THSD4: variants seen among roughly 807,000 people sequenced by gnomAD.
THSD4 encodes thrombospondin type 1 domain containing 4, also known as thrombospondin type-1 domain-containing protein 4.
Under a neutral mutation model 119.0 loss-of-function variants are expected in THSD4, and 69 were observed. The ratio of observed to expected loss-of-function variants is 0.58; its 90% CI spans 0.48 to 0.71. The LOEUF is 0.71. THSD4 is among the 30% of genes least tolerant of loss of function. THSD4 has a pLI of 0.00. For synonymous variants in THSD4, 524 were observed against 540.4 expected, an observed-to-expected ratio of 0.97 and a Z score of 0.42; for missense variants, 1,393 against 1,391.1, an observed-to-expected ratio of 1.00 and a Z score of -0.02.
At chr15:71,668,796 C>A (rs2051465843) in intron 8 of THSD4, among the ~76,000 whole-genome samples, 1 of 152,154 alleles carries the variant, frequency 6.6e-6, no homozygotes, top group East Asian at 1.9e-4. Flanking sequence ...CAATGGATAA[C>A]TGAAGATAAC....
chr15:71,687,827 T>A (rs1465909931), intron 8 of THSD4, among the ~76,000 whole-genome samples: 3 of 151,522 alleles, frequency 2.0e-5, no homozygotes, highest in East Asian at 3.9e-4. Flanking sequence ...TCAAAAATAT[T>A]TGAATGCAAA....
chr15:71,265,018 C>A (rs544982187), intron 6 of THSD4, among the ~76,000 whole-genome samples: 4 of 152,010 alleles, frequency 2.6e-5, no homozygotes, highest in African/African-American at 9.7e-5. Context: ...GGGCCCTGAT[C>A]TGATAGGATT....
At chr15:71,727,587 T>TATACACAC (rs2052882975) in intron 8 of THSD4, among the ~76,000 whole-genome samples, 1 of 9,278 alleles carries the variant, frequency 1.1e-4, no homozygotes, top group African/African-American at 2.5e-4. Flanking sequence ...TATATATATA[T>TATACACAC]ACACACACAC....
At chr15:71,476,334 C>T (rs879874546) in intron 7 of THSD4, among the ~76,000 whole-genome samples, 8 of 152,164 alleles carry the variant, frequency 5.3e-5, no homozygotes, top group Non-Finnish European at 7.4e-5. Flanking sequence ...CAGGTTCAAG[C>T]GATTCTCCTG....
intron 6 of THSD4, among the ~76,000 whole-genome samples, chr15:71,265,752 C>G (rs570709393): frequency 6.6e-6 from 1 of 152,152 alleles, no homozygotes; most frequent in Non-Finnish European, 1.5e-5. Context: ...CGACCTTAGA[C>G]GCTTGAGCTT....
At chr15:71,373,867 A>G (rs2046094957) in intron 6 of THSD4, among the ~76,000 whole-genome samples, 2 of 152,214 alleles carry the variant, frequency 1.3e-5, no homozygotes, top group African/African-American at 4.8e-5. Flanking sequence ...AGCATTATAT[A>G]CACACAAATG....
intron 6 of THSD4, among the ~76,000 whole-genome samples, chr15:71,378,584 T>C (rs1355044351): frequency 1.3e-5 from 2 of 152,236 alleles, no homozygotes; most frequent in Non-Finnish European, 2.9e-5. Context: ...TAATTGCATA[T>C]ATAAAGTACC....
At chr15:71,571,531 T>C (rs1385298119) in intron 7 of THSD4, among the ~76,000 whole-genome samples, 1 of 152,188 alleles carries the variant, frequency 6.6e-6, no homozygotes, top group African/African-American at 2.4e-5. Context: ...CCCACTGCAT[T>C]AAGGCAAGGT....
intron 8 of THSD4, among the ~76,000 whole-genome samples, chr15:71,726,289 G>A (rs1319171828): frequency 2.0e-5 from 3 of 152,172 alleles, no homozygotes; most frequent in Non-Finnish European, 4.4e-5. Flanking sequence ...CTGGAGTTTG[G>A]GCCACTCCAG....
chr15:71,234,463 G>A lies in THSD4; in HGVS notation c.465-8186G>A, dbSNP rs117389130. ...GGGACCACAGGCATATACCCACCAC[G>A]CCCAGCTGATTTTTGTATTTTTAGT... is the stretch of plus-strand genomic sequence containing the variant. On this transcript the variant is annotated intron_variant, in intron 4 of 17. Coordinates refer to ENST00000261862, the MANE Select transcript of THSD4 (RefSeq NM_024817.3). Among the ~76,000 whole-genome samples, 47 of 152,158 alleles carry A rather than the reference G, an allele frequency of 3.1e-4. No homozygotes were observed. In the East Asian group the frequency reaches 7.0e-3, roughly 23 times the overall value.
In THSD4 at chr15:71,747,047, G is replaced by A. The variant is rs370673959; in HGVS notation, c.2241+5G>A. The A allele has an allele frequency of 4.0e-5, 64 of 1,593,756 alleles. No individual in the cohort carries two copies. Among genetic ancestry groups the A allele is most frequent in the African/African-American group, 1.6e-4 (12 of 74,644 alleles). On this transcript the variant is annotated splice_donor_5th_base_variant and intron_variant, in intron 13 of 17. Transcript: ENST00000261862. The stretch of plus-strand genomic sequence containing the variant: ...ATCCGGACCGACTGGACCTCGGTAC[G>A]CAGGCAGGGCAGCCCGCTCTGCAGC...
chr15:71,663,314 C>T (rs1279431598), intron 8 of THSD4, among the ~76,000 whole-genome samples: 1 of 152,066 alleles, frequency 6.6e-6, no homozygotes, highest in Non-Finnish European at 1.5e-5. Flanking sequence ...GTTCAACTTC[C>T]TATGCCCAAA....
At chr15:71,614,565 T>TC (rs2050289780) in intron 7 of THSD4, among the ~76,000 whole-genome samples, 2 of 152,216 alleles carry the variant, frequency 1.3e-5, no homozygotes, top group Admixed American at 6.5e-5. Flanking sequence ...CCTTGTGGTG[T>TC]GTCACCTCAC....
intron 8 of THSD4, among the ~76,000 whole-genome samples, chr15:71,663,934 A>G (rs1368188688): frequency 6.6e-6 from 1 of 152,216 alleles, no homozygotes; most frequent in African/African-American, 2.4e-5. Context: ...AATAAGCAAT[A>G]TAAAGGAAAT....
chr15:71,442,579 A>AAAAATATATATATATAT (rs1195413080), intron 7 of THSD4, among the ~76,000 whole-genome samples: 2 of 39,860 alleles, frequency 5.0e-5, no homozygotes, highest in African/African-American at 1.5e-4. Flanking sequence ...AAAAAAAAAA[A>AAAAATATATATATATAT]ATATATATAT....
chr15:71,617,008 C>G (rs1026458196), intron 7 of THSD4, among the ~76,000 whole-genome samples: 1 of 152,188 alleles, frequency 6.6e-6, no homozygotes, highest in Admixed American at 6.5e-5. Flanking sequence ...GACTTCCAAC[C>G]TGTTACCAGG....
intron 4 of THSD4, among the ~76,000 whole-genome samples, chr15:71,221,588 A>G (rs2043976401): frequency 6.6e-6 from 1 of 152,178 alleles, no homozygotes. Flanking sequence ...AATGTCCTCA[A>G]GGTTTATTCC....
chr15:71,680,921 T>C (rs1274421667), intron 8 of THSD4, among the ~76,000 whole-genome samples: 1 of 150,478 alleles, frequency 6.6e-6, no homozygotes, highest in East Asian at 1.9e-4. Context: ...TAGTAATTTT[T>C]TTTTTTTTTT....
chr15:71,666,131 A>G (rs954030674), intron 8 of THSD4, among the ~76,000 whole-genome samples: 8 of 152,330 alleles, frequency 5.3e-5, no homozygotes, highest in Non-Finnish European at 7.3e-5. Flanking sequence ...CTTCCTATCC[A>G]TGAGCATGGA....
Sources: gnomAD v4.1 joint callset for allele counts (sites outside exome capture counted in the v4.1 genomes callset) on GRCh38, gnomAD v4.1.1 for gene constraint, MANE v1.5 for transcripts, NCBI Gene and HGNC (gene_info 2026-07-23, HGNC 2026-07-21) for gene names.